Variants in CACNA1C observed in about 807,000 individuals in gnomAD.
The protein encoded by CACNA1C is voltage-dependent L-type calcium channel subunit alpha-1C.
A neutral mutation model predicts 229.0 loss-of-function variants in CACNA1C; 30 were observed. The observed-to-expected ratio is 0.13, with a 90% CI of 0.10 to 0.18. The LOEUF is 0.18. CACNA1C is among the 10% of genes least tolerant of loss of function. CACNA1C has a pLI of 1.00. For missense variants in CACNA1C, 1,658 were observed against 2,845.0 expected (o/e 0.58, Z 9.49); for synonymous variants, 1,114 against 1,132.5 (o/e 0.98, Z 0.33).
At chr12:2,026,399 T>C (rs1362916827) in intron 1 of CACNA1C, among the ~76,000 whole-genome samples, 1 of 151,974 alleles carries the variant, frequency 6.6e-6, no homozygotes, top group Non-Finnish European at 1.5e-5. Context: ...GAGGGAAAAA[T>C]TGATTGGGGT....
chr12:2,295,393 T>G (rs747760096), intron 3 of CACNA1C, among the ~76,000 whole-genome samples: 9 of 152,182 alleles, frequency 5.9e-5, no homozygotes, highest in Non-Finnish European at 1.0e-4. Context: ...TGCAACCCCA[T>G]GCCTCTCAGT....
chr12:2,579,848 A>G (rs576061750), intron 13 of CACNA1C, among the ~76,000 whole-genome samples: 9 of 152,100 alleles, frequency 5.9e-5, no homozygotes, highest in Admixed American at 2.6e-4. Context: ...TAAAGTGACA[A>G]TCCTCCCAAA....
In CACNA1C at chr12:2,210,886, A is replaced by G. The variant is rs1198389063; in HGVS notation, c.477+90456A>G. Among the ~76,000 whole-genome samples the G allele has an allele frequency of 4.6e-5, 7 of 152,256 alleles. No individual in the cohort carries two copies. In the South Asian group the frequency reaches 6.2e-4, roughly 14 times the overall value. ...TCTCTGGTAACTCCTTTCCAATTGA[A>G]TCTGCAGCTATAACTGGTATTTTGT... On this transcript the variant is annotated intron_variant, in intron 3 of 46. Coordinates refer to ENST00000399655, the MANE Select transcript of CACNA1C (RefSeq NM_000719.7).
chr12:2,201,831 A>T (rs533647367), intron 3 of CACNA1C, among the ~76,000 whole-genome samples: 2 of 152,300 alleles, frequency 1.3e-5, no homozygotes, highest in African/African-American at 4.8e-5. Context: ...CTGGCCAGAT[A>T]TCTCTTTAGC....
intron 39 of CACNA1C, 111 bp from the exon 40 acceptor site, chr12:2,676,982 CA>C (rs1329869138): frequency 1.1e-6 from 1 of 884,956 alleles, no homozygotes; most frequent in Non-Finnish European, 1.8e-6. Context: ...ATTACCTCTC[CA>C]AAAATATTAA....
chr12:2,178,718 C>G (rs1324028858), intron 3 of CACNA1C, among the ~76,000 whole-genome samples: 2 of 152,126 alleles, frequency 1.3e-5, no homozygotes, highest in Admixed American at 1.3e-4. Flanking sequence ...TTAACAGGAC[C>G]CGTGATTGTG....
chr12:2,505,289 A>G (rs972949513), intron 8 of CACNA1C, among the ~76,000 whole-genome samples: 3 of 152,132 alleles, frequency 2.0e-5, no homozygotes, highest in African/African-American at 7.2e-5. Flanking sequence ...TAAAACATAA[A>G]CAAAGACAGA....
At chr12:2,248,112 C>T (rs2074126448) in intron 3 of CACNA1C, among the ~76,000 whole-genome samples, 1 of 152,198 alleles carries the variant, frequency 6.6e-6, no homozygotes, top group South Asian at 2.1e-4. Flanking sequence ...CCACACACAA[C>T]TTAGCTAACC....
intron 3 of CACNA1C, among the ~76,000 whole-genome samples, chr12:2,199,562 A>G (rs2097525285): frequency 6.6e-6 from 1 of 152,158 alleles, no homozygotes; most frequent in African/African-American, 2.4e-5. Context: ...CTTCTGGTCA[A>G]TAGTAGGCTA....
chr12:2,374,705 G>A (rs954422328), intron 3 of CACNA1C, among the ~76,000 whole-genome samples: 6 of 152,206 alleles, frequency 3.9e-5, no homozygotes, highest in African/African-American at 1.4e-4. Context: ...AGCAGACAAA[G>A]AATACTAATA....
In CACNA1C at chr12:2,692,315, G is replaced by A. The variant is rs1189132670; in HGVS notation, c.*1116G>A. The A allele has an allele frequency of 6.6e-6, 1 of 152,284 alleles. No homozygotes were observed. Among genetic ancestry groups the A allele is most frequent in the African/African-American group, 2.4e-5 (1 of 41,448 alleles). 9.4% of individuals were successfully genotyped at this position (152,284 alleles called of 1,614,324 possible). A position where few individuals can be genotyped will look rare whatever the true frequency, so the allele number is the denominator to read the frequency against. ...TAGAGTTGGGTTCCTTTTTATGCTG[G>A]GTGTACAGGTGGGTTTGGGAGAGAG... On this transcript the variant is annotated 3_prime_UTR_variant, in exon 47 of 47. Transcript: ENST00000399655.
intron 3 of CACNA1C, among the ~76,000 whole-genome samples, chr12:2,358,010 C>T (rs1468992308): frequency 6.6e-6 from 1 of 151,838 alleles, no homozygotes; most frequent in African/African-American, 2.4e-5. Flanking sequence ...AAACATACAG[C>T]CCTTCCCCAC....
At chr12:2,372,913 G>A (rs1464710765) in intron 3 of CACNA1C, among the ~76,000 whole-genome samples, 1 of 152,186 alleles carries the variant, frequency 6.6e-6, no homozygotes, top group Non-Finnish European at 1.5e-5. Context: ...AGATGGATGC[G>A]GGGGCAGCCC....
intron 3 of CACNA1C, among the ~76,000 whole-genome samples, chr12:2,324,511 G>T (rs921302827): frequency 6.6e-6 from 1 of 152,142 alleles, no homozygotes; most frequent in African/African-American, 2.4e-5. Flanking sequence ...AGCAGCCCTG[G>T]GTCCCGCGCT....
At position 2,691,283 on chromosome 12, in the gene CACNA1C, G is replaced by A. The variant is rs570547274; in HGVS notation, c.*84G>A. On this transcript the variant is annotated 3_prime_UTR_variant, in exon 47 of 47. Coordinates refer to ENST00000399655, the MANE Select transcript of CACNA1C (RefSeq NM_000719.7). Reference sequence around the variant, plus strand: ...TTCAGAAGTGCCTCACTGTTCTCGTGACCTGGAGTTAACCGGAACAGCGTC... The same window carrying A: ...TTCAGAAGTGCCTCACTGTTCTCGTAACCTGGAGTTAACCGGAACAGCGTC... 2 of 1,306,718 alleles carry A rather than the reference G, an allele frequency of 1.5e-6. No individual in the cohort carries two copies. Among genetic ancestry groups the A allele is most frequent in the Non-Finnish European group, 1.0e-6 (1 of 982,290 alleles). 80.9% of individuals were successfully genotyped at this position (1,306,718 alleles called of 1,614,324 possible). A position where few individuals can be genotyped will look rare whatever the true frequency, so the allele number is the denominator to read the frequency against.
intron 1 of CACNA1C, among the ~76,000 whole-genome samples, chr12:2,045,265 G>T (rs2050860202): frequency 6.6e-6 from 1 of 152,128 alleles, no homozygotes; most frequent in Non-Finnish European, 1.5e-5. Flanking sequence ...GAAGAGGAAG[G>T]TTCTGAAAGC....
intron 1 of CACNA1C, among the ~76,000 whole-genome samples, chr12:2,007,589 C>T (rs1288756467): frequency 1.3e-5 from 2 of 152,160 alleles, no homozygotes; most frequent in African/African-American, 4.8e-5. Flanking sequence ...TGAAGATACC[C>T]TTACTTTGCT....
rs140205930 is a variant in CACNA1C, at chr12:2,492,492, T to C, written c.917-698T>C. Among the ~76,000 whole-genome samples the C allele has an allele frequency of 3.1e-3, 475 of 152,354 alleles. 4 individuals carry two copies. The highest frequency in any genetic ancestry group is 0.011 in the African/African-American group (450 of 41,578). Reference sequence around the variant, plus strand: ...CAGAGCTGTGAAGTCCCACATGACATGCATGAAATACAGTCAGTAGCGTGT... The same window carrying C: ...CAGAGCTGTGAAGTCCCACATGACACGCATGAAATACAGTCAGTAGCGTGT... On this transcript the variant is annotated intron_variant, in intron 6 of 46. Coordinates refer to ENST00000399655, the MANE Select transcript of CACNA1C (RefSeq NM_000719.7).
At position 2,139,429 on chromosome 12, in the gene CACNA1C, C is replaced by T. The variant is rs576823481; in HGVS notation, c.477+18999C>T. Among the ~76,000 whole-genome samples, 6 of 151,244 alleles carry T rather than the reference C, an allele frequency of 4.0e-5. 1 individual carries two copies. The highest frequency in any genetic ancestry group is 8.9e-5 in the Non-Finnish European group (6 of 67,614). On this transcript the variant is annotated intron_variant, in intron 3 of 46. Transcript: ENST00000399655. ...AAATAAAGTCCATCTGCAGCTCTCA[C>T]CAGCAGCGAGCCCTGTGCAAGAAGG...
Sources: gnomAD v4.1 joint callset for allele counts (sites outside exome capture counted in the v4.1 genomes callset) on GRCh38, gnomAD v4.1.1 for gene constraint, MANE v1.5 for transcripts, NCBI Gene and HGNC (gene_info 2026-07-23, HGNC 2026-07-21) for gene names.